Variants in MFSD1 observed in about 807,000 individuals in gnomAD.
MFSD1 encodes major facilitator superfamily domain containing 1, also known as lysosomal dipeptide transporter MFSD1.
A neutral mutation model predicts 67.1 loss-of-function variants in MFSD1; 59 were observed. That is an observed-to-expected ratio of 0.88 (90% CI 0.71 to 1.09). MFSD1 has a LOEUF of 1.09. Among genes scored for constraint, MFSD1 ranks in the 50% least tolerant of loss-of-function variants. MFSD1 has a pLI of 0.00. For missense variants in MFSD1, 552 were observed against 566.1 expected (o/e 0.97, Z 0.25); for synonymous variants, 213 against 200.3 (o/e 1.06, Z -0.54).
At position 158,814,052 on chromosome 3, in the gene MFSD1, A is replaced by C; in HGVS notation, c.637A>C (p.Ile213Leu). The change falls in exon 7 of 16, where the codon ATC (isoleucine) becomes CTC (leucine). Residue 213 changes from isoleucine to leucine, a missense_variant. Ile to Leu is a conservative substitution (Grantham distance 5). Coordinates refer to ENST00000415822, the MANE Select transcript of MFSD1 (RefSeq NM_022736.4). ...LGSAGHTTLG[I>L]TLMIGGITCI... ...TTCTGCTGGTCACACAACCCTCGGG[A>C]TCACACTTATGATTGGTGAGTGAAT... The C allele has an allele frequency of 6.2e-7, 1 of 1,613,280 alleles. No individual in the cohort carries two copies. Among genetic ancestry groups the C allele is most frequent in the Non-Finnish European group, 8.5e-7 (1 of 1,179,458 alleles).
intron 6 of MFSD1, among the ~76,000 whole-genome samples, chr3:158,812,165 C>G (rs886495839): frequency 1.3e-5 from 2 of 152,092 alleles, no homozygotes; most frequent in African/African-American, 4.8e-5. Flanking sequence ...GCTAATAGTT[C>G]AAGTGTCTAA....
chr3:158,828,966 TTA>T lies in MFSD1; in HGVS notation c.1395-11_1395-10del, dbSNP rs761941684. 2.5e-6 allele frequency: 4 copies of T among 1,603,004 alleles called. No individual in the cohort carries two copies. In the Admixed American group the frequency reaches 5.1e-5, roughly 21 times the overall value. ...TCTTCCTCTTTGGTAATTTATTGCG[TTA>T]TGTTTTGCAGATGAGAAGTTAAAAT... On this transcript the variant is annotated splice_polypyrimidine_tract_variant and intron_variant, in intron 15 of 15. Coordinates refer to ENST00000415822, the MANE Select transcript of MFSD1 (RefSeq NM_022736.4).
chr3:158,816,590 T>A (rs1416354237), intron 7 of MFSD1, among the ~76,000 whole-genome samples: 1 of 151,264 alleles, frequency 6.6e-6, no homozygotes, highest in Non-Finnish European at 1.5e-5. Flanking sequence ...TTTTCTCCCA[T>A]TTTGTAGGTT....
chr3:158,825,770 T>A (rs377041686), intron 13 of MFSD1, among the ~76,000 whole-genome samples: 3 of 152,204 alleles, frequency 2.0e-5, no homozygotes, highest in Non-Finnish European at 2.9e-5. Flanking sequence ...GCTCCCTTTT[T>A]TCTAGGGGCC....
Position 158,809,189 on chromosome 3 carries a change from G to A in MFSD1, c.451G>A (p.Glu151Lys), listed in dbSNP as rs977518371. Residue 151 changes from glutamate to lysine, a missense_variant, in exon 6 of 16, where the codon GAG (glutamate) becomes AAG (lysine). Transcript: ENST00000415822. Reference sequence around the variant, plus strand: ...TTTTTCTATTTTTAGGATTGGTGGCGAGTCCTTAGCAGTTGCCCAGAATAC... The same window carrying A: ...TTTTTCTATTTTTAGGATTGGTGGCAAGTCCTTAGCAGTTGCCCAGAATAC... ...FGRFVFGIGG[E>K]SLAVAQNTYA... The A allele has an allele frequency of 2.2e-5, 34 of 1,550,880 alleles. No individual in the cohort carries two copies. Among genetic ancestry groups the A allele is most frequent in the East Asian group, 1.8e-4 (8 of 43,618 alleles).
intron 9 of MFSD1, among the ~76,000 whole-genome samples, chr3:158,820,861 C>T (rs981049927): frequency 3.9e-5 from 6 of 152,136 alleles, no homozygotes; most frequent in Admixed American, 2.6e-4. Flanking sequence ...GTGGGGATTA[C>T]GGGGATTACA....
At chr3:158,813,182 C>G (rs1176316961) in intron 6 of MFSD1, among the ~76,000 whole-genome samples, 13 of 143,026 alleles carry the variant, frequency 9.1e-5, no homozygotes, top group Non-Finnish European at 1.6e-4. Flanking sequence ...GAGTCTTGCT[C>G]TGTCACCCAG....
chr3:158,817,779 C>T (rs1430105893), intron 7 of MFSD1, among the ~76,000 whole-genome samples: 1 of 152,104 alleles, frequency 6.6e-6, no homozygotes, highest in African/African-American at 2.4e-5. Flanking sequence ...GAAAAAAGAG[C>T]CCGCATCGCC....
intron 5 of MFSD1, among the ~76,000 whole-genome samples, chr3:158,808,004 T>G (rs1249217921): frequency 2.0e-5 from 3 of 152,228 alleles, no homozygotes; most frequent in Non-Finnish European, 2.9e-5. Context: ...GGGACCCAGA[T>G]GACAGAACTG....
At chr3:158,823,285 A>G in intron 11 of MFSD1, 143 bp from the exon 12 acceptor site, 3 of 649,444 alleles carry the variant, frequency 4.6e-6, no homozygotes, top group Non-Finnish European at 8.4e-6. Context: ...TATATTTTGA[A>G]TACGAATTTT....
At chr3:158,825,567 A>C (rs1342034895) in intron 13 of MFSD1, among the ~76,000 whole-genome samples, 1 of 152,208 alleles carries the variant, frequency 6.6e-6, no homozygotes, top group East Asian at 1.9e-4. Context: ...ATCACATTTT[A>C]ATGTTTGGTT....
At chr3:158,815,809 C>G (rs1472768336) in intron 7 of MFSD1, among the ~76,000 whole-genome samples, 9 of 151,326 alleles carry the variant, frequency 5.9e-5, no homozygotes, top group South Asian at 2.1e-4. Context: ...CCTCCTCCCC[C>G]CACCCCACAA....
chr3:158,804,501 A>G (rs1729624152), intron 2 of MFSD1, 130 bp downstream of exon 2: 1 of 613,038 alleles, frequency 1.6e-6, no homozygotes, highest in Non-Finnish European at 2.8e-6. Context: ...GTAGTCACCA[A>G]ATCCACAAGT....
chr3:158,823,338 C>G (rs1449660981), intron 11 of MFSD1, 90 bp from the exon 12 acceptor site: 1 of 876,846 alleles, frequency 1.1e-6, no homozygotes, highest in Non-Finnish European at 2.0e-6. Context: ...TATATATTAA[C>G]TACTCTGTCA....
At chr3:158,802,650 C>T (rs1452239655) in intron 1 of MFSD1, 2 of 567,162 alleles carry the variant, frequency 3.5e-6, no homozygotes, top group Non-Finnish European at 6.6e-6. Flanking sequence ...TCTTTTGGCA[C>T]ACGTGGTCGG....
At chr3:158,813,430 G>A (rs899540979) in intron 6 of MFSD1, among the ~76,000 whole-genome samples, 1 of 152,178 alleles carries the variant, frequency 6.6e-6, no homozygotes, top group African/African-American at 2.4e-5. Context: ...ACAGGCATGA[G>A]CCACTGTGCC....
At chr3:158,819,369 T>C (rs1730548882) in intron 7 of MFSD1, among the ~76,000 whole-genome samples, 1 of 152,272 alleles carries the variant, frequency 6.6e-6, no homozygotes, top group South Asian at 2.1e-4. Flanking sequence ...GTCTGTATTC[T>C]GCATTACAGG....
intron 7 of MFSD1, among the ~76,000 whole-genome samples, chr3:158,817,873 T>G (rs528934185): frequency 1.3e-5 from 2 of 152,232 alleles, no homozygotes; most frequent in Non-Finnish European, 2.9e-5. Flanking sequence ...AATTACCTCC[T>G]GTTCAATTTC....
chr3:158,820,513 T>G (rs1730615581), intron 9 of MFSD1, among the ~76,000 whole-genome samples, 187 bp downstream of exon 9: 1 of 152,258 alleles, frequency 6.6e-6, no homozygotes, highest in Non-Finnish European at 1.5e-5. Flanking sequence ...TTTTATACTT[T>G]TATTATTCTT....
Sources: allele counts gnomAD v4.1 joint callset (sites outside exome capture counted in the v4.1 genomes callset), GRCh38; gene constraint gnomAD v4.1.1; transcripts MANE v1.5; gene names NCBI Gene and HGNC (gene_info 2026-07-23, HGNC 2026-07-21).